Variants in MRTFA observed in about 807,000 individuals in gnomAD.
MRTFA encodes the protein myocardin-related transcription factor A.
MRTFA carries 20 observed loss-of-function variants against 83.5 expected under a neutral mutation model. The ratio of observed to expected loss-of-function variants is 0.24; its 90% CI spans 0.17 to 0.35. The LOEUF (loss-of-function observed/expected upper bound fraction) is 0.35. Ranked by LOEUF, MRTFA falls within the 10% of genes least tolerant of loss-of-function variation. MRTFA has a pLI of 1.00. For missense variants in MRTFA, 1,200 were observed against 1,224.7 expected, an observed-to-expected ratio of 0.98 and a Z score of 0.30; for synonymous variants, 659 against 541.2, an observed-to-expected ratio of 1.22 and a Z score of -3.02.
chr22:40,411,899 C>T lies in MRTFA; in HGVS notation c.2587G>A (p.Ala863Thr), dbSNP rs1173802227. ...AGGGATGGCGGCTCCTTGAAATCTG[C>T]TGAAATTTCTGCCAATCAATCAAGA... The change falls in exon 15 of 15, where the codon GCA (alanine) becomes ACA (threonine). Residue 863 changes from alanine (A) to threonine (T), a missense_variant. This residue lies in a region of MRTFA where 1,107 missense variants were observed against 1,041.8 expected (regional missense o/e 1.06). Transcript: ENST00000355630. 1 of 1,477,222 alleles carries T rather than the reference C, an allele frequency of 6.8e-7. No individual in the cohort carries two copies. The highest frequency in any genetic ancestry group is 1.4e-5 in the African/African-American group (1 of 70,852). 91.5% of individuals were successfully genotyped at this position (1,477,222 alleles called of 1,614,324 possible). A position where few individuals can be genotyped will look rare whatever the true frequency, so the allele number is the denominator to read the frequency against.
intron 2 of MRTFA, among the ~76,000 whole-genome samples, chr22:40,571,921 CAAA>C (rs557782525): frequency 5.3e-5 from 1 of 18,724 alleles, no homozygotes; most frequent in African/African-American, 2.3e-4. Context: ...AAGACTCTGT[CAAA>C]AAAAAAAAAA....
chr22:40,564,718 T>C (rs767645087), intron 2 of MRTFA, among the ~76,000 whole-genome samples: 3 of 152,036 alleles, frequency 2.0e-5, no homozygotes, highest in Non-Finnish European at 1.5e-5. Flanking sequence ...AGTGGCGTGA[T>C]CTTGGCTCAC....
chr22:40,444,665 G>A (rs1460012900), intron 4 of MRTFA, among the ~76,000 whole-genome samples: 6 of 152,140 alleles, frequency 3.9e-5, no homozygotes, highest in Admixed American at 3.9e-4. Context: ...TCGACGTGTA[G>A]CCACCACATT....
At chr22:40,615,932 G>A (rs568732590) in intron 1 of MRTFA, among the ~76,000 whole-genome samples, 365 of 152,144 alleles carry the variant, frequency 2.4e-3, no homozygotes, top group Non-Finnish European at 4.3e-3. Context: ...TGATCTGCCC[G>A]CCTCGGCCTC....
chr22:40,624,349 C>A (rs959148541), intron 1 of MRTFA, among the ~76,000 whole-genome samples: 6 of 150,606 alleles, frequency 4.0e-5, no homozygotes, highest in Admixed American at 4.0e-4. Context: ...TCACCTGAAC[C>A]CAGGAGGCAG....
chr22:40,545,712 C>T (rs1267945638), intron 3 of MRTFA, among the ~76,000 whole-genome samples: 3 of 150,370 alleles, frequency 2.0e-5, no homozygotes, highest in East Asian at 2.0e-4. Context: ...GGATTACAGG[C>T]GTGAGCCACC....
intron 2 of MRTFA, among the ~76,000 whole-genome samples, chr22:40,593,943 G>T (rs1018178438): frequency 4.6e-5 from 7 of 152,224 alleles, no homozygotes; most frequent in African/African-American, 1.7e-4. Flanking sequence ...AGAACTACAT[G>T]AACTAGCAGT....
At chr22:40,470,884 G>C (rs1394548075) in intron 3 of MRTFA, among the ~76,000 whole-genome samples, 1 of 151,950 alleles carries the variant, frequency 6.6e-6, no homozygotes, top group Admixed American at 6.6e-5. Flanking sequence ...GGGAGGCGGA[G>C]GTTACAGTGA....
chr22:40,615,945 A>G (rs2056444699), intron 1 of MRTFA, among the ~76,000 whole-genome samples: 1 of 152,186 alleles, frequency 6.6e-6, no homozygotes, highest in Non-Finnish European at 1.5e-5. Context: ...TCGGCCTCCC[A>G]AAGTGCTGGG....
At position 40,461,730 on chromosome 22, in the gene MRTFA, C is replaced by T. The variant is rs189709078; in HGVS notation, c.307+1491G>A. On this transcript the variant is annotated intron_variant, in intron 4 of 14. Coordinates refer to ENST00000355630, the MANE Select transcript of MRTFA (RefSeq NM_020831.6). ...AGGAGAATGGCGTGAACCCGGGAGG[C>T]GGAGCTTGCAGTGAGCCCAGATTAT... is the stretch of plus-strand genomic sequence containing the variant. 2.1e-3 allele frequency among the ~76,000 whole-genome samples: 321 copies of T among 151,656 alleles called. 1 individual carries two copies. The highest frequency in any genetic ancestry group is 8.4e-3 in the Admixed American group (128 of 15,226).
At chr22:40,558,473 T>C (rs1348873888) in intron 2 of MRTFA, among the ~76,000 whole-genome samples, 1 of 151,960 alleles carries the variant, frequency 6.6e-6, no homozygotes, top group African/African-American at 2.4e-5. Context: ...AGAACAAACT[T>C]CTTCCTACTA....
Position 40,486,671 on chromosome 22 carries a change from G to A in MRTFA, c.242-23385C>T, listed in dbSNP as rs533252348. On this transcript the variant is annotated intron_variant, in intron 3 of 14. Transcript: ENST00000355630. ...AACCTTACAACGGTTGGCTCATTAC[G>A]AACACTTTAAGTTCGTATTAAGAAG... Among the ~76,000 whole-genome samples, 21 of 152,266 alleles carry A rather than the reference G, an allele frequency of 1.4e-4. No homozygotes were observed. The South Asian group carries it at 3.7e-3, about 27-fold the overall frequency.
chr22:40,595,644 A>T (rs2056180962), intron 1 of MRTFA, among the ~76,000 whole-genome samples: 1 of 152,170 alleles, frequency 6.6e-6, no homozygotes, highest in Non-Finnish European at 1.5e-5. Flanking sequence ...AAGAAATGGA[A>T]GTCCTTATTA....
At chr22:40,450,490 C>T (rs1206963156) in intron 4 of MRTFA, among the ~76,000 whole-genome samples, 1 of 151,846 alleles carries the variant, frequency 6.6e-6, no homozygotes, top group Non-Finnish European at 1.5e-5. Flanking sequence ...GAGTCTAACT[C>T]TGTCGCCCAG....
chr22:40,600,266 TG>T (rs2056243697), intron 1 of MRTFA, among the ~76,000 whole-genome samples: 1 of 152,142 alleles, frequency 6.6e-6, no homozygotes, highest in East Asian at 1.9e-4. Context: ...TGCGAATCCA[TG>T]CAAAGTGCTG....
intron 2 of MRTFA, among the ~76,000 whole-genome samples, chr22:40,559,859 C>G (rs1289809770): frequency 1.3e-5 from 2 of 152,166 alleles, no homozygotes; most frequent in Admixed American, 1.3e-4. Flanking sequence ...AATAAGCAAT[C>G]TGAAAAACTG....
At chr22:40,458,531 A>G (rs2053636621) in intron 4 of MRTFA, among the ~76,000 whole-genome samples, 1 of 152,216 alleles carries the variant, frequency 6.6e-6, no homozygotes, top group African/African-American at 2.4e-5. Flanking sequence ...TGTCCTACAG[A>G]TATGACGATG....
chr22:40,496,289 T>C (rs1469680920), intron 3 of MRTFA, among the ~76,000 whole-genome samples: 2 of 151,746 alleles, frequency 1.3e-5, no homozygotes, highest in African/African-American at 2.4e-5. Context: ...GTGCCCATTC[T>C]ATAAGCACTC....
chr22:40,557,105 T>C (rs2055536971), intron 2 of MRTFA, among the ~76,000 whole-genome samples: 1 of 152,166 alleles, frequency 6.6e-6, no homozygotes, highest in South Asian at 2.1e-4. Context: ...CTTGCAAAAG[T>C]ATTAACACAA....
Sources: allele counts gnomAD v4.1 joint callset (sites outside exome capture counted in the v4.1 genomes callset), GRCh38; gene constraint gnomAD v4.1.1; regional missense constraint gnomAD v4.1.1; transcripts MANE v1.5; gene names NCBI Gene and HGNC (gene_info 2026-07-23, HGNC 2026-07-21).